Variants in NPHP4 observed in about 807,000 individuals in gnomAD.
NPHP4 encodes the protein nephrocystin-4.
In NPHP4, 151 loss-of-function variants were observed where a neutral mutation model predicts 155.8. The observed-to-expected ratio is 0.97, with a 90% CI of 0.85 to 1.11. The LOEUF is 1.11. Among genes scored for constraint, NPHP4 ranks in the 50% least tolerant of loss-of-function variants. The pLI, the probability that NPHP4 is intolerant of heterozygous loss-of-function variation, is 0.00. For missense variants in NPHP4, 1,956 were observed against 1,925.7 expected, an observed-to-expected ratio of 1.02 and a Z score of -0.29; for synonymous variants, 845 against 816.8, an observed-to-expected ratio of 1.03 and a Z score of -0.59.
intron 15 of NPHP4, 62 bp from the exon 16 acceptor site, chr1:5,904,866 A>G: frequency 6.6e-7 from 1 of 1,526,710 alleles, no homozygotes; most frequent in Non-Finnish European, 9.1e-7. Context: ...GAGGGGTCTA[A>G]TGTGTGTTTG....
chr1:5,932,551 A>G (rs918981061), intron 10 of NPHP4, among the ~76,000 whole-genome samples: 2 of 152,010 alleles, frequency 1.3e-5, no homozygotes, highest in Admixed American at 6.6e-5. Context: ...AACACCGCCA[A>G]TGGGGCCAAG....
rs751495640 is a variant in NPHP4 at position 5,864,425 on chromosome 1, G to A, written c.3909C>T (p.Val1303=). 1.2e-6 allele frequency: 2 copies of A among 1,611,206 alleles called. No homozygotes were observed. Among genetic ancestry groups the A allele is most frequent in the South Asian group, 1.1e-5 (1 of 90,568 alleles). ...VRPLRAGSRF[V]HLNLVDVDCH... Reference sequence around the variant, plus strand: ...AATCCACGTCCACCAGGTTGAGATGGACAAAGCGGCTGCCGGCCCTAAGGG... The same window carrying A: ...AATCCACGTCCACCAGGTTGAGATGAACAAAGCGGCTGCCGGCCCTAAGGG... Residue 1303 remains valine, a synonymous_variant, in exon 28 of 30, where the codon GTC becomes GTT. Transcript: ENST00000378156.
rs753246840 is a variant in NPHP4, at chr1:5,874,651, G to A, written c.3051C>T (p.Ile1017=). 51 of 1,611,460 alleles carry A rather than the reference G, an allele frequency of 3.2e-5. No individual in the cohort carries two copies. Among genetic ancestry groups the A allele is most frequent in the Middle Eastern group, 3.9e-4 (2 of 5,116 alleles). ...AGTCCCTCCACTCCTGACTGTCCAC[G>A]ATGACGCTGGGGGAGGCAGTGTCCA... ...VEIDNPELSV[I]VDSQEWRDFK... Residue 1017 remains isoleucine, a synonymous_variant, in exon 22 of 30, where the codon ATC becomes ATT. Transcript: ENST00000378156.
intron 26 of NPHP4, 141 bp downstream of exon 26, chr1:5,866,232 C>T (rs754351845): frequency 9.3e-5 from 66 of 711,060 alleles, no homozygotes; most frequent in Middle Eastern, 5.0e-4. Flanking sequence ...GCAGCAGAAT[C>T]CCGCCTCACA....
intron 3 of NPHP4, 95 bp from the exon 4 acceptor site, chr1:5,969,354 C>A: frequency 1.4e-6 from 1 of 699,778 alleles, no homozygotes; most frequent in Non-Finnish European, 2.3e-6. Context: ...CCTTCCTACA[C>A]GTGCCACAGC....
chr1:5,988,702 T>C (rs11120976), intron 1 of NPHP4, among the ~76,000 whole-genome samples: 25,872 of 152,088 alleles, frequency 0.17, 2,311 homozygotes, highest in African/African-American at 0.21. Context: ...GCTCCCGGCA[T>C]GTGTGGGAAC....
chr1:5,894,743 C>T (rs546909231), intron 16 of NPHP4, among the ~76,000 whole-genome samples: 36 of 151,088 alleles, frequency 2.4e-4, no homozygotes, highest in Non-Finnish European at 1.9e-4. Flanking sequence ...AATGAGGGGA[C>T]GGTAAAGATA....
At chr1:5,900,428 C>G (rs142919298) in intron 16 of NPHP4, among the ~76,000 whole-genome samples, 1 of 152,142 alleles carries the variant, frequency 6.6e-6, no homozygotes, top group Non-Finnish European at 1.5e-5. Context: ...GAACTAAATG[C>G]ACAGTGCTGG....
chr1:5,871,762 C>T (rs1441555435), intron 23 of NPHP4, among the ~76,000 whole-genome samples: 2 of 152,178 alleles, frequency 1.3e-5, no homozygotes, highest in African/African-American at 4.8e-5. Flanking sequence ...GCGGAGCACC[C>T]CAGGACAGCG....
At position 5,882,353 on chromosome 1, in the gene NPHP4, G is replaced by A. The variant is rs373904215; in HGVS notation, c.2486-2114C>T. The stretch of plus-strand genomic sequence containing the variant: ...GCTTACCCAGCCATCTCTCAGTGAC[G>A]CGCTTACCCAGCCATCTCTCAGTGG... On this transcript the variant is annotated intron_variant, in intron 18 of 29. Transcript: ENST00000378156. This position sits in a 1 kb window ranked among gnomAD's most constrained non-coding sequence, Gnocchi z 5.1. 16 of 151,636 alleles carry A rather than the reference G, an allele frequency of 1.1e-4. No homozygotes were observed. Among genetic ancestry groups the A allele is most frequent in the African/African-American group, 3.9e-4 (16 of 41,202 alleles). 9.4% of individuals were successfully genotyped at this position (151,636 alleles called of 1,614,324 possible). A position where few individuals can be genotyped will look rare whatever the true frequency, so the allele number is the denominator to read the frequency against.
chr1:5,889,869 G>A lies in NPHP4; in HGVS notation c.2304+999C>T, dbSNP rs1644026997. Among the ~76,000 whole-genome samples, 1 of 152,332 alleles carries A rather than the reference G, an allele frequency of 6.6e-6. No homozygotes were observed. Among genetic ancestry groups the A allele is most frequent in the Admixed American group, 6.5e-5 (1 of 15,306 alleles). ...CTGCAGACCCCACCCTGAACGTTCTGTGCACAGCCCACCACCCTGGGGGGC... is the reference window on the plus strand; with the variant it reads ...CTGCAGACCCCACCCTGAACGTTCTATGCACAGCCCACCACCCTGGGGGGC... On this transcript the variant is annotated intron_variant, in intron 17 of 29. Coordinates refer to ENST00000378156, the MANE Select transcript of NPHP4 (RefSeq NM_015102.5). The surrounding 1 kb of genome is among the most constrained non-coding windows in gnomAD (Gnocchi z 4.2).
chr1:5,954,365 C>G (rs183037281), intron 6 of NPHP4, among the ~76,000 whole-genome samples: 1 of 152,158 alleles, frequency 6.6e-6, no homozygotes, highest in African/African-American at 2.4e-5. Flanking sequence ...GAAACTATTA[C>G]GATTCCATCT....
chr1:5,948,220 T>G lies in NPHP4; in HGVS notation c.842A>C (p.Glu281Ala). The G allele has an allele frequency of 6.3e-7, 1 of 1,594,042 alleles. No homozygotes were observed. Among genetic ancestry groups the G allele is most frequent in the East Asian group, 2.3e-5 (1 of 44,030 alleles). The part of the protein sequence containing the change: ...GCGPLDGGAL[E>A]ILERRLRVGV... ...CACACGCAGGCGCCGCTCCAGGATCTCCAGGGCACCACCGTCCAGTGGGCC... is the reference window on the plus strand; with the variant it reads ...CACACGCAGGCGCCGCTCCAGGATCGCCAGGGCACCACCGTCCAGTGGGCC... Residue 281 changes from glutamate (E) to alanine (A), a missense_variant, in exon 8 of 30, where the codon GAG becomes GCG. Transcript: ENST00000378156.
chr1:5,976,560 C>T (rs1172483766), intron 3 of NPHP4, among the ~76,000 whole-genome samples: 4 of 152,244 alleles, frequency 2.6e-5, no homozygotes, highest in African/African-American at 9.6e-5. Context: ...TGAAACAGCA[C>T]TCTAAGGGTT....
At position 5,978,296 on chromosome 1, in the gene NPHP4, G is replaced by T; in HGVS notation, c.253C>A (p.Pro85Thr). The change falls in exon 3 of 30, where the codon CCG (proline) becomes ACG (threonine). Residue 85 changes from proline to threonine, a missense_variant. Transcript: ENST00000378156. ...WKTTVKPTKR[P>T]PSRIVFNEPL... ...TCATTAAAGACGATCCTGGACGGCGGTCTCTTCGTCGGCTTCACTGTGGTT... is the reference window on the plus strand; with the variant it reads ...TCATTAAAGACGATCCTGGACGGCGTTCTCTTCGTCGGCTTCACTGTGGTT... 1 of 1,608,426 alleles carries T rather than the reference G, an allele frequency of 6.2e-7. No individual in the cohort carries two copies.
intron 16 of NPHP4, among the ~76,000 whole-genome samples, chr1:5,903,379 G>A (rs2101099679): frequency 6.6e-6 from 1 of 152,244 alleles, no homozygotes. Flanking sequence ...TCTGCTGTCA[G>A]GTGCCACTGT....
At chr1:5,887,091 A>C (rs1570248203) in intron 18 of NPHP4, 195 bp downstream of exon 18, 2 of 586,482 alleles carry the variant, frequency 3.4e-6, no homozygotes, top group East Asian at 5.6e-5. Flanking sequence ...TCAGAAATTC[A>C]GAATGCAAAC....
At chr1:5,904,885 A>G in intron 15 of NPHP4, 81 bp from the exon 16 acceptor site, 1 of 1,385,422 alleles carries the variant, frequency 7.2e-7, no homozygotes, top group Non-Finnish European at 1.0e-6. Flanking sequence ...TGCATAGGGG[A>G]TGGTCCAGGC....
rs986338867 is a variant in NPHP4, at chr1:5,914,208, T to A, written c.1442-4995A>T. 7.0e-5 allele frequency among the ~76,000 whole-genome samples: 9 copies of A among 129,440 alleles called. No homozygotes were observed. In the East Asian group the frequency reaches 1.5e-3, roughly 21 times the overall value. 84.9% of individuals were successfully genotyped at this position (129,440 alleles called of 152,430 possible). A position where few individuals can be genotyped will look rare whatever the true frequency, so the allele number is the denominator to read the frequency against. Reference sequence around the variant, plus strand: ...GCCAAGGCAGGAGGACTGTTTTGAGTCCAGAAGTTCGAGATTAGCCTGGGC... The same window carrying A: ...GCCAAGGCAGGAGGACTGTTTTGAGACCAGAAGTTCGAGATTAGCCTGGGC... On this transcript the variant is annotated intron_variant, in intron 11 of 29. Coordinates refer to ENST00000378156, the MANE Select transcript of NPHP4 (RefSeq NM_015102.5).
Sources: gnomAD v4.1 joint callset for allele counts (sites outside exome capture counted in the v4.1 genomes callset) on GRCh38, gnomAD v4.1.1 for gene constraint, Gnocchi (gnomAD v3.1) non-coding constraint, MANE v1.5 for transcripts, NCBI Gene and HGNC (gene_info 2026-07-23, HGNC 2026-07-21) for gene names.